RAB3C: variants seen among roughly 807,000 people sequenced by gnomAD.
RAB3C encodes ras-related protein Rab-3C.
In RAB3C, 17 loss-of-function variants were observed where a neutral mutation model predicts 26.4. That is an observed-to-expected ratio of 0.64 (90% confidence interval 0.44 to 0.97). The LOEUF (loss-of-function observed/expected upper bound fraction) is 0.97. Among genes scored for constraint, RAB3C ranks in the 50% least tolerant of loss-of-function variants. The probability of loss-of-function intolerance (pLI) is 0.00; values close to 1 mark genes in which losing one functional copy is unlikely to be tolerated. For missense variants in RAB3C, 242 were observed against 281.9 expected, an observed-to-expected ratio of 0.86 and a Z score of 1.01; for synonymous variants, 91 against 95.9, an observed-to-expected ratio of 0.95 and a Z score of 0.30.
intron 3 of RAB3C, among the ~76,000 whole-genome samples, chr5:58,780,031 C>G (rs1388163562): frequency 2.0e-5 from 3 of 152,098 alleles, no homozygotes; most frequent in Non-Finnish European, 4.4e-5. Flanking sequence ...ACAGGGACCC[C>G]ATCTTCATGA....
At chr5:58,597,057 T>C (rs1271674908) in intron 1 of RAB3C, among the ~76,000 whole-genome samples, 33 of 90,284 alleles carry the variant, frequency 3.7e-4, no homozygotes, top group South Asian at 1.4e-3. Flanking sequence ...ATATATATAA[T>C]ACATAATATA....
intron 4 of RAB3C, among the ~76,000 whole-genome samples, chr5:58,839,300 T>G (rs1743821861): frequency 6.6e-6 from 1 of 151,686 alleles, no homozygotes; most frequent in African/African-American, 2.4e-5. Flanking sequence ...TTTCCTCTTT[T>G]ATTATTTATT....
chr5:58,802,102 A>AT (rs1742821968), intron 3 of RAB3C, among the ~76,000 whole-genome samples: 1 of 104,904 alleles, frequency 9.5e-6, no homozygotes, highest in African/African-American at 4.0e-5. Context: ...TATTATATAC[A>AT]TTTAGAAGTT....
intron 1 of RAB3C, among the ~76,000 whole-genome samples, chr5:58,589,963 T>A (rs1746094616): frequency 6.6e-6 from 1 of 152,146 alleles, no homozygotes; most frequent in Admixed American, 6.6e-5. Context: ...AGCAACTGGA[T>A]TATGCTGACA....
At chr5:58,830,754 C>G (rs16888672) in intron 4 of RAB3C, among the ~76,000 whole-genome samples, 1 of 152,068 alleles carries the variant, frequency 6.6e-6, no homozygotes, top group African/African-American at 2.4e-5. Context: ...CATAAGCAAC[C>G]AATTTCTATT....
chr5:58,839,042 G>A (rs150957653), intron 4 of RAB3C, among the ~76,000 whole-genome samples: 168 of 151,226 alleles, frequency 1.1e-3, no homozygotes, highest in Middle Eastern at 6.8e-3. Flanking sequence ...TTTGGTTTCT[G>A]CTTGAATGGA....
At chr5:58,827,985 C>T (rs998736717) in intron 4 of RAB3C, among the ~76,000 whole-genome samples, 1 of 152,180 alleles carries the variant, frequency 6.6e-6, no homozygotes, top group African/African-American at 2.4e-5. Flanking sequence ...GCAGATGGCT[C>T]GAAATAACTG....
chr5:58,697,410 G>C (rs1748737814), intron 2 of RAB3C, among the ~76,000 whole-genome samples: 1 of 152,186 alleles, frequency 6.6e-6, no homozygotes, highest in South Asian at 2.1e-4. Context: ...TTGATTTGGG[G>C]TGGAGAGTTT....
At chr5:58,651,945 A>G (rs1210281203) in intron 2 of RAB3C, among the ~76,000 whole-genome samples, 2 of 116,040 alleles carry the variant, frequency 1.7e-5, no homozygotes, top group Non-Finnish European at 3.4e-5. Context: ...AAATAATTAT[A>G]ATGTTGTATT....
chr5:58,843,381 G>T (rs1432477626), intron 4 of RAB3C, among the ~76,000 whole-genome samples: 2 of 152,142 alleles, frequency 1.3e-5, no homozygotes, highest in Non-Finnish European at 2.9e-5. Flanking sequence ...CAATGTTTTT[G>T]TTGACAATTC....
At chr5:58,797,396 T>TATATACAC (rs1561133620) in intron 3 of RAB3C, among the ~76,000 whole-genome samples, 3 of 116,814 alleles carry the variant, frequency 2.6e-5, no homozygotes, top group African/African-American at 1.1e-4. Flanking sequence ...TATATATATA[T>TATATACAC]ACACAGAGAG....
chr5:58,582,335 A>G (rs774169348), upstream of RAB3C: 1 of 939,720 alleles, frequency 1.1e-6, no homozygotes, highest in African/African-American at 1.8e-5. Context: ...CCCGCTTCCT[A>G]CGTAGAGCCC....
chr5:58,846,440 C>T (rs1326048891), intron 4 of RAB3C, among the ~76,000 whole-genome samples: 2 of 152,124 alleles, frequency 1.3e-5, no homozygotes, highest in African/African-American at 4.8e-5. Context: ...AGTGCAGTGA[C>T]GTGAACACTG....
chr5:58,844,650 C>G (rs1347420573), intron 4 of RAB3C, among the ~76,000 whole-genome samples: 3 of 152,142 alleles, frequency 2.0e-5, no homozygotes, highest in African/African-American at 7.2e-5. Context: ...AAAGGGGAGA[C>G]AAGACATTGC....
chr5:58,644,810 G>A (rs1306019562), intron 2 of RAB3C, among the ~76,000 whole-genome samples: 1 of 152,100 alleles, frequency 6.6e-6, no homozygotes, highest in Non-Finnish European at 1.5e-5. Context: ...TACCATGATG[G>A]CAGGCTTCTC....
At chr5:58,654,416 T>C (rs944304946) in intron 2 of RAB3C, among the ~76,000 whole-genome samples, 2 of 152,164 alleles carry the variant, frequency 1.3e-5, no homozygotes, top group African/African-American at 4.8e-5. Flanking sequence ...AAATCCAACT[T>C]CTCAACTAGA....
intron 3 of RAB3C, among the ~76,000 whole-genome samples, chr5:58,808,968 G>T: frequency 6.6e-6 from 1 of 152,154 alleles, no homozygotes; most frequent in Non-Finnish European, 1.5e-5. Context: ...GGTAGCCATG[G>T]ATTTCTTTAT....
At chr5:58,776,268 C>T (rs979787294) in intron 3 of RAB3C, among the ~76,000 whole-genome samples, 10 of 152,044 alleles carry the variant, frequency 6.6e-5, no homozygotes, top group Non-Finnish European at 1.0e-4. Context: ...TTTCCTCCAC[C>T]CACCTTTCCC....
At chr5:58,642,879 G>C (rs1373390404) in intron 2 of RAB3C, among the ~76,000 whole-genome samples, 1 of 152,180 alleles carries the variant, frequency 6.6e-6, no homozygotes, top group African/African-American at 2.4e-5. Flanking sequence ...TTTCAGTAGT[G>C]GTGGTGTAAT....
Sources: gnomAD v4.1 joint callset for allele counts (sites outside exome capture counted in the v4.1 genomes callset) on GRCh38, gnomAD v4.1.1 for gene constraint, MANE v1.5 for transcripts, NCBI Gene and HGNC (gene_info 2026-07-23, HGNC 2026-07-21) for gene names.